The following LSMEM1 variants were observed in gnomAD, a reference collection of about 807,000 sequenced individuals.
The protein encoded by LSMEM1 is leucine rich single-pass membrane protein 1.
LSMEM1 carries 10 observed loss-of-function variants against 11.3 expected under a neutral mutation model. The observed-to-expected ratio is 0.89, with a 90% CI of 0.55 to 1.50. The LOEUF (loss-of-function observed/expected upper bound fraction) is 1.50. LSMEM1 is among the 40% of genes most tolerant of loss of function. The pLI, the probability that LSMEM1 is intolerant of heterozygous loss-of-function variation, is 0.00. For synonymous variants in LSMEM1, 65 were observed against 59.3 expected, an observed-to-expected ratio of 1.10 and a Z score of -0.44; for missense variants, 151 against 152.9, an observed-to-expected ratio of 0.99 and a Z score of 0.06.
chr7:112,483,349 T>C (rs1213963038), intron 1 of LSMEM1: 3 of 152,204 alleles, frequency 2.0e-5, no homozygotes, highest in African/African-American at 7.2e-5. Flanking sequence ...GTTCATGTAC[T>C]TATTATTAAC....
At chr7:112,488,734 C>G (rs1177274872) in intron 3 of LSMEM1, among the ~76,000 whole-genome samples, 1 of 152,112 alleles carries the variant, frequency 6.6e-6, no homozygotes, top group African/African-American at 2.4e-5. Context: ...GTAGCTGGGA[C>G]TACAGGTGTG....
intron 3 of LSMEM1, among the ~76,000 whole-genome samples, chr7:112,487,422 A>G (rs1347679862): frequency 6.6e-6 from 1 of 152,230 alleles, no homozygotes; most frequent in Non-Finnish European, 1.5e-5. Flanking sequence ...ACATCGAAAC[A>G]TTGAGGTTTC....
At chr7:112,489,029 T>A (rs181193574) in intron 3 of LSMEM1, among the ~76,000 whole-genome samples, 1 of 152,374 alleles carries the variant, frequency 6.6e-6, no homozygotes, top group East Asian at 1.9e-4. Context: ...TCAAAGACTA[T>A]GTACTTTATC....
rs926654143 is a variant in LSMEM1 at position 112,491,040 on chromosome 7, A to G, written c.*1091A>G. 1 of 152,230 alleles carries G rather than the reference A, an allele frequency of 6.6e-6. No homozygotes were observed. Among genetic ancestry groups the G allele is most frequent in the Non-Finnish European group, 1.5e-5 (1 of 68,040 alleles). 9.4% of individuals were successfully genotyped at this position (152,230 alleles called of 1,614,324 possible). On this transcript the variant is annotated 3_prime_UTR_variant, in exon 4 of 4. Transcript: ENST00000312849. Reference sequence around the variant, plus strand: ...CTTTACAATACTAAATAGTTAATGAAATAAACACATTTTGCTTACCCAGTT... The same window carrying G: ...CTTTACAATACTAAATAGTTAATGAGATAAACACATTTTGCTTACCCAGTT...
chr7:112,482,992 C>T (rs571587828), intron 1 of LSMEM1, among the ~76,000 whole-genome samples: 1 of 152,194 alleles, frequency 6.6e-6, no homozygotes, highest in South Asian at 2.1e-4. Context: ...ACTTTCTTAG[C>T]TAGGGTTCTG....
Position 112,490,147 on chromosome 7 carries a change from G to A in LSMEM1, c.*198G>A. 2 of 511,446 alleles carry A rather than the reference G, an allele frequency of 3.9e-6. No homozygotes were observed. The highest frequency in any genetic ancestry group is 6.8e-6 in the Non-Finnish European group (2 of 295,504). 31.7% of individuals were successfully genotyped at this position (511,446 alleles called of 1,614,324 possible). ...TGGGTATGGGAATAGCAACTAAAAA[G>A]GGGTGAACTTGTCTCAGCCCCCTTT... On this transcript the variant is annotated 3_prime_UTR_variant, in exon 4 of 4. Coordinates refer to ENST00000312849, the MANE Select transcript of LSMEM1 (RefSeq NM_182597.3).
At chr7:112,485,696 T>C (rs1796116292) in intron 2 of LSMEM1, among the ~76,000 whole-genome samples, 1 of 152,008 alleles carries the variant, frequency 6.6e-6, no homozygotes, top group African/African-American at 2.4e-5. Flanking sequence ...TCAATAGCAG[T>C]AGAAGTTTAG....
chr7:112,484,220 C>G (rs1024719554), intron 1 of LSMEM1, among the ~76,000 whole-genome samples: 1 of 152,092 alleles, frequency 6.6e-6, no homozygotes, highest in Non-Finnish European at 1.5e-5. Flanking sequence ...CATCTTATGG[C>G]TAAAGGAATT....
chr7:112,483,802 G>A (rs1456337894), intron 1 of LSMEM1, among the ~76,000 whole-genome samples: 4 of 152,042 alleles, frequency 2.6e-5, no homozygotes, highest in African/African-American at 9.7e-5. Flanking sequence ...CCTCATTTGC[G>A]GAAAGGATGG....
At chr7:112,487,191 T>A (rs1796150127) in intron 3 of LSMEM1, 140 bp downstream of exon 3, 2 of 816,960 alleles carry the variant, frequency 2.4e-6, no homozygotes, top group African/African-American at 1.9e-5. Context: ...AAGGAATGCC[T>A]TGAGTGAACA....
Position 112,485,400 on chromosome 7 carries a change from G to A in LSMEM1, c.127+457G>A, listed in dbSNP as rs568929882. The stretch of plus-strand genomic sequence containing the variant: ...TGCAATTAAGGGTTGGAGAAAGGGG[G>A]TGGGGGGAGCAAAATAAAATCTGCT... On this transcript the variant is annotated intron_variant, in intron 2 of 3. Coordinates refer to ENST00000312849, the MANE Select transcript of LSMEM1 (RefSeq NM_182597.3). Among the ~76,000 whole-genome samples the A allele has an allele frequency of 7.9e-5, 12 of 152,242 alleles. No individual in the cohort carries two copies. The East Asian group carries it at 1.4e-3, about 17-fold the overall frequency.
At chr7:112,484,790 T>A (rs912601302) in intron 1 of LSMEM1, 22 bp from the exon 2 acceptor site, 3 of 1,608,522 alleles carry the variant, frequency 1.9e-6, no homozygotes, top group Non-Finnish European at 1.7e-6. Context: ...CTCTTGTTTT[T>A]AACATCAGTG....
chr7:112,490,106 G>A lies in LSMEM1; in HGVS notation c.*157G>A. The A allele has an allele frequency of 1.3e-6, 1 of 750,416 alleles. No homozygotes were observed. Among genetic ancestry groups the A allele is most frequent in the African/African-American group, 1.7e-5 (1 of 57,234 alleles). 46.5% of individuals were successfully genotyped at this position (750,416 alleles called of 1,614,324 possible). ...GCCCACTTTCTGCAGCAAGATGGGA[G>A]CAATTCCAAGGCAAGTGGGTATGGG... On this transcript the variant is annotated 3_prime_UTR_variant, in exon 4 of 4. Coordinates refer to ENST00000312849, the MANE Select transcript of LSMEM1 (RefSeq NM_182597.3).
chr7:112,485,190 G>A (rs1796105492), intron 2 of LSMEM1, among the ~76,000 whole-genome samples: 2 of 152,170 alleles, frequency 1.3e-5, no homozygotes, highest in South Asian at 4.1e-4. Context: ...AGATCCTGTG[G>A]CGTTTCTGTC....
chr7:112,486,853 C>T, intron 2 of LSMEM1, 70 bp from the exon 3 acceptor site: 1 of 1,596,758 alleles, frequency 6.3e-7, no homozygotes, highest in Non-Finnish European at 8.5e-7. Flanking sequence ...CACTGGGGTA[C>T]TGTTCAGTTC....
At chr7:112,482,278 T>G (rs561402567) in intron 1 of LSMEM1, among the ~76,000 whole-genome samples, 1 of 152,354 alleles carries the variant, frequency 6.6e-6, no homozygotes, top group East Asian at 1.9e-4. Flanking sequence ...TTGTCTTAGT[T>G]TTTTTTGGAG....
At chr7:112,484,507 C>G (rs1214100775) in intron 1 of LSMEM1, among the ~76,000 whole-genome samples, 1 of 152,116 alleles carries the variant, frequency 6.6e-6, no homozygotes, top group Non-Finnish European at 1.5e-5. Context: ...AGAACTGAGA[C>G]ATCTGAGGAG....
Position 112,489,693 on chromosome 7 carries a change from CAG to C in LSMEM1, c.257-116_257-115del, listed in dbSNP as rs1796200650. On this transcript the variant is annotated intron_variant, in intron 3 of 3. Coordinates refer to ENST00000312849, the MANE Select transcript of LSMEM1 (RefSeq NM_182597.3). ...CTTCTGGCATGCATGGATATGGGAA[CAG>C]GGGATTTGCCAAGAGTGTCTTTCAG... 3.4e-6 allele frequency: 4 copies of C among 1,181,236 alleles called. 1 individual carries two copies. Among genetic ancestry groups the C allele is most frequent in the South Asian group, 3.1e-5 (2 of 64,780 alleles). 73.2% of individuals were successfully genotyped at this position (1,181,236 alleles called of 1,614,324 possible).
intron 2 of LSMEM1, 88 bp downstream of exon 2, chr7:112,485,031 T>TGGGG: frequency 1.4e-5 from 17 of 1,199,554 alleles, no homozygotes; most frequent in Non-Finnish European, 1.8e-5. Flanking sequence ...GTGGGTGTGG[T>TGGGG]GGAGGGGGAG....
Sources: allele counts gnomAD v4.1 joint callset (sites outside exome capture counted in the v4.1 genomes callset), GRCh38; gene constraint gnomAD v4.1.1; transcripts MANE v1.5; gene names NCBI Gene and HGNC (gene_info 2026-07-23, HGNC 2026-07-21).